The following ASIC2 variants were observed in gnomAD, a reference collection of about 807,000 sequenced individuals.
ASIC2 encodes acid-sensing ion channel 2.
A neutral mutation model predicts 57.3 loss-of-function variants in ASIC2; 25 were observed. The ratio of observed to expected loss-of-function variants is 0.44; its 90% confidence interval spans 0.32 to 0.61. ASIC2 has a LOEUF of 0.61. Ranked by LOEUF, ASIC2 falls within the 20% of genes least tolerant of loss-of-function variation. ASIC2 has a pLI of 0.06. For missense variants in ASIC2, 641 were observed against 738.1 expected, an observed-to-expected ratio of 0.87 and a Z score of 1.52; for synonymous variants, 319 against 307.5, an observed-to-expected ratio of 1.04 and a Z score of -0.39.
intron 1 of ASIC2, among the ~76,000 whole-genome samples, chr17:34,011,666 C>T (rs2142022183): frequency 6.6e-6 from 1 of 152,304 alleles, no homozygotes; most frequent in South Asian, 2.1e-4. Flanking sequence ...CCTCTGCCTC[C>T]ACCACTCCAT....
intron 1 of ASIC2, among the ~76,000 whole-genome samples, chr17:33,728,801 A>G (rs930798232): frequency 1.3e-5 from 2 of 152,322 alleles, no homozygotes; most frequent in African/African-American, 4.8e-5. Flanking sequence ...GAGCCGGGCC[A>G]ACCAGAGCTG....
At chr17:33,641,715 C>T (rs184506168) in intron 1 of ASIC2, among the ~76,000 whole-genome samples, 1 of 152,312 alleles carries the variant, frequency 6.6e-6, no homozygotes, top group Non-Finnish European at 1.5e-5. Context: ...ACCAAAACCT[C>T]ACCTCCTTCT....
rs779964206 is a variant in ASIC2 at position 34,156,297 on chromosome 17, A to T, written c.236T>A (p.Val79Glu). ...TGGGAAGACCAGGCTTTGAGCCACCACTTCGTCCACCTTAGTGACATGCTG... is the reference window on the plus strand; with the variant it reads ...TGGGAAGACCAGGCTTTGAGCCACCTCTTCGTCCACCTTAGTGACATGCTG... Residue 79 changes from valine (V) to glutamate (E), a missense_variant, in exon 1 of 10, where the codon GTG becomes GAG. Coordinates refer to the ASIC2 transcript ENST00000359872. This position sits in a 1 kb window ranked among gnomAD's most constrained non-coding sequence, Gnocchi z 4.4. The T allele has an allele frequency of 1.2e-5, 19 of 1,614,200 alleles. 1 individual carries two copies. In the South Asian group the frequency reaches 2.1e-4, roughly 18 times the overall value.
intron 1 of ASIC2, among the ~76,000 whole-genome samples, chr17:33,659,794 C>G (rs906398472): frequency 2.2e-4 from 34 of 151,880 alleles, no homozygotes; most frequent in African/African-American, 7.7e-4. Context: ...ATGGCGTGAA[C>G]CCAGGAGGCG....
intron 1 of ASIC2, among the ~76,000 whole-genome samples, chr17:33,408,551 AT>A (rs1449470038): frequency 6.6e-6 from 1 of 152,244 alleles, no homozygotes; most frequent in Non-Finnish European, 1.5e-5. Flanking sequence ...AGGTAACTCA[AT>A]TTTTAAAAAG....
chr17:33,552,888 T>A (rs1236562240), intron 1 of ASIC2, among the ~76,000 whole-genome samples: 1 of 152,326 alleles, frequency 6.6e-6, no homozygotes, highest in Middle Eastern at 3.4e-3. Flanking sequence ...CCCAGGGAAG[T>A]GCTGCTGGGC....
chr17:33,280,106 C>T (rs1201739262), intron 1 of ASIC2, among the ~76,000 whole-genome samples: 1 of 152,084 alleles, frequency 6.6e-6, no homozygotes, highest in Non-Finnish European at 1.5e-5. Flanking sequence ...ATGTTCCTGC[C>T]CCATTTTCGT....
intron 1 of ASIC2, among the ~76,000 whole-genome samples, chr17:33,740,992 A>G (rs1910095374): frequency 6.6e-6 from 1 of 152,148 alleles, no homozygotes; most frequent in Admixed American, 6.5e-5. Context: ...TCTCTCGGCT[A>G]TTACCTCCTC....
At chr17:33,420,155 C>T (rs547496685) in intron 1 of ASIC2, among the ~76,000 whole-genome samples, 16 of 152,296 alleles carry the variant, frequency 1.1e-4, no homozygotes, top group Admixed American at 9.8e-4. Flanking sequence ...GCCTTCTGCA[C>T]GTCTGCTAGC....
chr17:34,060,374 C>T (rs1005148510), intron 1 of ASIC2, among the ~76,000 whole-genome samples: 2 of 152,218 alleles, frequency 1.3e-5, no homozygotes, highest in Non-Finnish European at 2.9e-5. Context: ...TTCCCCCTGA[C>T]AGAGCCTATC....
In ASIC2 at chr17:33,879,307, A is replaced by G. The variant is rs548445066; in HGVS notation, c.555+276671T>C. Among the ~76,000 whole-genome samples, 15 of 152,348 alleles carry G rather than the reference A, an allele frequency of 9.8e-5. No homozygotes were observed. In the South Asian group the frequency reaches 3.1e-3, roughly 32 times the overall value. On this transcript the variant is annotated intron_variant, in intron 1 of 9. Coordinates refer to the ASIC2 transcript ENST00000359872. The stretch of plus-strand genomic sequence containing the variant: ...TAAATGCTCCAATTAAAAGACACAG[A>G]CTGGCAAATTGGATAAAAAGTCAAG...
intron 3 of ASIC2, among the ~76,000 whole-genome samples, chr17:33,038,351 TG>T (rs754679988): frequency 5.7e-4 from 87 of 152,314 alleles, no homozygotes; most frequent in Non-Finnish European, 1.1e-3. Context: ...TAAGTTATTT[TG>T]AGTTGAGTTT....
intron 3 of ASIC2, among the ~76,000 whole-genome samples, chr17:33,053,120 G>T (rs1377512666): frequency 6.6e-6 from 1 of 152,158 alleles, no homozygotes; most frequent in Non-Finnish European, 1.5e-5. Flanking sequence ...AGATTTAAGG[G>T]TTGATTGTCA....
At chr17:34,087,147 C>T (rs1322763975) in intron 1 of ASIC2, among the ~76,000 whole-genome samples, 3 of 151,996 alleles carry the variant, frequency 2.0e-5, no homozygotes, top group African/African-American at 7.2e-5. Context: ...ATGGTCTTTA[C>T]ATTTTGGCAC....
At chr17:34,000,396 C>G (rs557162210) in intron 1 of ASIC2, among the ~76,000 whole-genome samples, 1 of 151,922 alleles carries the variant, frequency 6.6e-6, no homozygotes, top group Non-Finnish European at 1.5e-5. Context: ...GGATTACAGG[C>G]GTGTGCCACC....
At chr17:33,083,364 C>T (rs898194254) in intron 3 of ASIC2, among the ~76,000 whole-genome samples, 1 of 152,154 alleles carries the variant, frequency 6.6e-6, no homozygotes, top group Non-Finnish European at 1.5e-5. Context: ...CTGTTGTACC[C>T]TTGGAAGTGT....
intron 1 of ASIC2, among the ~76,000 whole-genome samples, chr17:33,401,926 A>T (rs561024550): frequency 6.7e-4 from 102 of 152,346 alleles, no homozygotes; most frequent in African/African-American, 2.4e-3. Context: ...GGAGCTTCAG[A>T]TATGTTTAAA....
intron 1 of ASIC2, among the ~76,000 whole-genome samples, chr17:33,914,213 A>T (rs1007311887): frequency 2.0e-5 from 3 of 152,212 alleles, no homozygotes; most frequent in African/African-American, 7.2e-5. Flanking sequence ...CAAACGGTCC[A>T]TTGTGGGCTG....
chr17:33,564,598 T>C (rs890215025), intron 1 of ASIC2, among the ~76,000 whole-genome samples: 1 of 152,236 alleles, frequency 6.6e-6, no homozygotes, highest in Non-Finnish European at 1.5e-5. Flanking sequence ...AGGAGCAGCA[T>C]AATGGCACTG....
Sources: gnomAD v4.1 joint callset for allele counts (sites outside exome capture counted in the v4.1 genomes callset) on GRCh38, gnomAD v4.1.1 for gene constraint, Gnocchi (gnomAD v3.1) non-coding constraint, MANE v1.5 for transcripts, NCBI Gene and HGNC (gene_info 2026-07-23, HGNC 2026-07-21) for gene names.